The following RGPD8 variants were observed in gnomAD, a reference collection of about 807,000 sequenced individuals.
RGPD8 encodes the protein RANBP2 like and GRIP domain containing 8, also known as RANBP2-like and GRIP domain-containing protein 8.
RGPD8 carries 15 observed loss-of-function variants against 89.1 expected under a neutral mutation model. The observed-to-expected ratio is 0.17, with a 90% CI of 0.11 to 0.26. RGPD8 has a LOEUF of 0.26. RGPD8 is among the 10% of genes least tolerant of loss of function. RGPD8 has a pLI of 1.00. For synonymous variants in RGPD8, 62 were observed against 420.9 expected, an observed-to-expected ratio of 0.15 and a Z score of 10.44; for missense variants, 178 against 1,179.6, an observed-to-expected ratio of 0.15 and a Z score of 12.44.
chr2:112,385,622 TA>T (rs533981457), intron 20 of RGPD8, among the ~76,000 whole-genome samples: 2,765 of 139,156 alleles, frequency 0.02, no homozygotes, highest in Middle Eastern at 0.04. Flanking sequence ...TTATATTAAT[TA>T]GAAGTTAAAA....
At chr2:112,425,887 C>T (rs1011265514) in intron 1 of RGPD8, among the ~76,000 whole-genome samples, 12 of 151,922 alleles carry the variant, frequency 7.9e-5, no homozygotes, top group African/African-American at 2.9e-4. Flanking sequence ...ATGAATAGTA[C>T]CAAACCAGGT....
intron 4 of RGPD8, among the ~76,000 whole-genome samples, chr2:112,420,169 C>CAA (rs1171607081): frequency 1.9e-4 from 5 of 26,174 alleles, no homozygotes; most frequent in African/African-American, 3.6e-4. Flanking sequence ...GACTCTGTCT[C>CAA]AAAAAAAAAA....
At chr2:112,415,241 C>A (rs559167719) in intron 6 of RGPD8, among the ~76,000 whole-genome samples, 1 of 151,952 alleles carries the variant, frequency 6.6e-6, no homozygotes, top group East Asian at 1.9e-4. Flanking sequence ...AAAAATTAGC[C>A]GAGCGTGGTG....
chr2:112,426,942 G>A (rs1159746762), intron 1 of RGPD8, among the ~76,000 whole-genome samples: 19 of 151,162 alleles, frequency 1.3e-4, no homozygotes, highest in Admixed American at 7.2e-4. Context: ...GACTACAGGC[G>A]CACGCCACCA....
intron 20 of RGPD8, among the ~76,000 whole-genome samples, chr2:112,381,879 C>G (rs1454986941): frequency 6.6e-6 from 1 of 152,274 alleles, no homozygotes; most frequent in Admixed American, 6.5e-5. Flanking sequence ...TCCATTTGGA[C>G]AGTGTGATGG....
rs1175587364 is a variant in RGPD8 at position 112,390,260 on chromosome 2, T to C, written c.2698-13A>G. 3 of 1,516,390 alleles carry C rather than the reference T, an allele frequency of 2.0e-6. No homozygotes were observed. The highest frequency in any genetic ancestry group is 2.3e-5 in the East Asian group (1 of 43,942). 93.9% of individuals were successfully genotyped at this position (1,516,390 alleles called of 1,614,324 possible). A position where few individuals can be genotyped will look rare whatever the true frequency, so the allele number is the denominator to read the frequency against. ...TATTAGAAGAACCCTGAAACATAAA[T>C]GAAGGTGAATTTTCTTGATCCACAT... On this transcript the variant is annotated splice_polypyrimidine_tract_variant and intron_variant, in intron 19 of 22. Coordinates refer to ENST00000302558, the MANE Select transcript of RGPD8 (RefSeq NM_001164463.1).
At chr2:112,390,514 G>A (rs1229775070) in intron 19 of RGPD8, among the ~76,000 whole-genome samples, 1 of 144,834 alleles carries the variant, frequency 6.9e-6, no homozygotes, top group East Asian at 1.9e-4. Flanking sequence ...GGCAACTGAT[G>A]CACTGAGAGG....
At chr2:112,422,722 G>A (rs202189480) in intron 2 of RGPD8, 63 bp from the exon 3 acceptor site, 8,186 of 587,732 alleles carry the variant, frequency 0.014, 217 homozygotes, top group African/African-American at 0.072. Context: ...AATGCTAACC[G>A]AAGAATACAT....
chr2:112,415,158 CAGAT>C (rs1361245452), intron 6 of RGPD8, among the ~76,000 whole-genome samples: 1 of 151,394 alleles, frequency 6.6e-6, no homozygotes, highest in Non-Finnish European at 1.5e-5. Context: ...CCGAGGAGGG[CAGAT>C]CACGAGGTCA....
At position 112,428,352 on chromosome 2, in the gene RGPD8, G is replaced by A. The variant is rs541541027; in HGVS notation, c.73-4045C>T. ...CCCGCTACTCGGGAGGCTGAGGCAG[G>A]AGAATCACTTGAACCTGGGAGGCGG... On this transcript the variant is annotated intron_variant, in intron 1 of 22. Transcript: ENST00000302558. Among the ~76,000 whole-genome samples the A allele has an allele frequency of 2.9e-4, 44 of 150,144 alleles. 3 individuals are homozygous for A. The East Asian group carries it at 8.5e-3, about 29-fold the overall frequency.
intron 22 of RGPD8, 136 bp from the exon 23 acceptor site, chr2:112,370,348 T>TGGGGGGGGG (rs371473972): frequency 1.6e-5 from 1 of 63,968 alleles, no homozygotes; most frequent in Non-Finnish European, 3.2e-5. Context: ...CCTTTTTTGG[T>TGGGGGGGGG]GGGGGGGGGG....
chr2:112,408,813 A>G (rs1201030918), intron 7 of RGPD8, among the ~76,000 whole-genome samples: 5 of 151,802 alleles, frequency 3.3e-5, no homozygotes, highest in African/African-American at 4.9e-5. Context: ...CTGGGACTAC[A>G]GGCACCCGCC....
intron 20 of RGPD8, among the ~76,000 whole-genome samples, chr2:112,381,996 G>A (rs1193721645): frequency 1.3e-5 from 2 of 152,288 alleles, no homozygotes; most frequent in Non-Finnish European, 2.9e-5. Context: ...TCAGTGGGCT[G>A]GGGAAGGCAG....
intron 6 of RGPD8, among the ~76,000 whole-genome samples, chr2:112,413,891 C>T (rs200710118): frequency 0.21 from 23,027 of 111,928 alleles, 3,325 homozygotes; most frequent in East Asian, 0.48. Flanking sequence ...TTAGTAGAGA[C>T]AAGGTTTCAC....
At chr2:112,432,288 G>A (rs1320599161) in intron 1 of RGPD8, among the ~76,000 whole-genome samples, 1 of 151,894 alleles carries the variant, frequency 6.6e-6, no homozygotes, top group Non-Finnish European at 1.5e-5. Flanking sequence ...TTGTGGAAAA[G>A]GTTAAAAATT....
At chr2:112,431,741 ACT>A (rs1680048136) in intron 1 of RGPD8, among the ~76,000 whole-genome samples, 1 of 146,680 alleles carries the variant, frequency 6.8e-6, no homozygotes. Flanking sequence ...GGTTCAAGCG[ACT>A]CTCCTGCCTC....
chr2:112,371,078 G>T (rs1464009206), intron 22 of RGPD8, among the ~76,000 whole-genome samples: 1 of 151,086 alleles, frequency 6.6e-6, no homozygotes, highest in East Asian at 1.9e-4. Context: ...TTTTAAAACA[G>T]AAGCTTATAT....
intron 1 of RGPD8, chr2:112,432,568 T>C (rs1309117444): frequency 1.0e-6 from 1 of 985,224 alleles, no homozygotes; most frequent in African/African-American, 1.7e-5. Flanking sequence ...CACCCGGAGC[T>C]GCGTCAGTCC....
rs779871367 is a variant in RGPD8 at position 112,433,412 on chromosome 2, C to A, written c.42G>T (p.Ser14=). ...GAGGCGACGGGGTGAGACCCAGCAC[C>A]GAGGCGACGTACCGCTCCACATCGG... ...SKADVERYVA[S]VLGLTPSPRQ... The change falls in exon 1 of 23, where the codon TCG becomes TCT. Residue 14 remains serine, a synonymous_variant. Coordinates refer to ENST00000302558, the MANE Select transcript of RGPD8 (RefSeq NM_001164463.1). The A allele has an allele frequency of 3.1e-6, 5 of 1,610,688 alleles. No individual in the cohort carries two copies. In the African/African-American group the frequency reaches 6.7e-5, roughly 22 times the overall value.
Sources: gnomAD v4.1 joint callset for allele counts (sites outside exome capture counted in the v4.1 genomes callset) on GRCh38, gnomAD v4.1.1 for gene constraint, MANE v1.5 for transcripts, NCBI Gene and HGNC (gene_info 2026-07-23, HGNC 2026-07-21) for gene names.